The following MTMR9 variants were observed in gnomAD, a reference collection of about 807,000 sequenced individuals.
MTMR9 encodes the protein myotubularin-related protein 9.
MTMR9 carries 39 observed loss-of-function variants against 69.5 expected under a neutral mutation model. That is an observed-to-expected ratio of 0.56 (90% CI 0.43 to 0.73). MTMR9 has a LOEUF of 0.73. Among genes scored for constraint, MTMR9 ranks in the 30% least tolerant of loss-of-function variants. The pLI is 0.00. For synonymous variants in MTMR9, 354 were observed against 240.8 expected, an observed-to-expected ratio of 1.47 and a Z score of -4.35; for missense variants, 900 against 671.2, an observed-to-expected ratio of 1.34 and a Z score of -3.77.
chr8:11,285,111 G>T, intron 1 of MTMR9, 41 bp downstream of exon 1: 5 of 1,489,134 alleles, frequency 3.4e-6, no homozygotes, highest in Non-Finnish European at 2.7e-6. Flanking sequence ...GGAGCCGGGG[G>T]TCCCTTGTGG....
At chr8:11,299,760 A>G (rs1022427504) in intron 2 of MTMR9, among the ~76,000 whole-genome samples, 4 of 152,154 alleles carry the variant, frequency 2.6e-5, no homozygotes, top group South Asian at 4.1e-4. Flanking sequence ...TAGAATTGGT[A>G]TGCACATTTT....
intron 8 of MTMR9, chr8:11,317,154 T>A (rs748037647): frequency 3.9e-6 from 1 of 254,740 alleles, no homozygotes; most frequent in African/African-American, 2.2e-5. Context: ...TTTCTTAACA[T>A]AGGATCATAG....
the MTMR9 span, among the ~76,000 whole-genome samples, chr8:11,337,137 A>G: frequency 3.9e-5 from 6 of 152,326 alleles, no homozygotes; most frequent in Non-Finnish European, 4.4e-5. Flanking sequence ...AAATATCACT[A>G]GATCGCTGAG....
chr8:11,307,848 T>C (rs932693171), intron 5 of MTMR9, among the ~76,000 whole-genome samples: 1 of 152,224 alleles, frequency 6.6e-6, no homozygotes, highest in African/African-American at 2.4e-5. Context: ...TTTATATGTC[T>C]TCTTTTGAGA....
Position 11,319,826 on chromosome 8 carries a change from C to G in MTMR9, c.1474C>G (p.Pro492Ala). Residue 492 changes from proline to alanine, a missense_variant, in exon 9 of 10, where the codon CCA (proline) becomes GCA (alanine). Physicochemically the swap from Pro to Ala is conservative, Grantham distance 27. Transcript: ENST00000221086. Reference protein sequence around the residue: ...IWPSVAPQSLPLWEGIFLRWN... With the variant: ...IWPSVAPQSLALWEGIFLRWN... ...GCCTTCAGTTGCTCCGCAGAGTCTTCCACTGTGGGAAGGTAAACCACGCAT... is the reference window on the plus strand; with the variant it reads ...GCCTTCAGTTGCTCCGCAGAGTCTTGCACTGTGGGAAGGTAAACCACGCAT... 1.2e-6 allele frequency: 2 copies of G among 1,614,074 alleles called. No individual in the cohort carries two copies. The highest frequency in any genetic ancestry group is 1.7e-6 in the Non-Finnish European group (2 of 1,179,988).
the MTMR9 span, among the ~76,000 whole-genome samples, chr8:11,336,902 T>G: frequency 6.6e-6 from 1 of 152,166 alleles, no homozygotes; most frequent in Non-Finnish European, 1.5e-5. Flanking sequence ...ATCCAACTGT[T>G]TAGCTTGGAA....
downstream of MTMR9, chr8:11,332,243 T>G: frequency 6.8e-5 from 83 of 1,218,278 alleles, no homozygotes; most frequent in Middle Eastern, 2.9e-4. Context: ...AGAGTGAAAG[T>G]CTAACTTCCA....
At chr8:11,311,253 G>C (rs2117427238) in intron 6 of MTMR9, among the ~76,000 whole-genome samples, 1 of 152,192 alleles carries the variant, frequency 6.6e-6, no homozygotes, top group South Asian at 2.1e-4. Context: ...TTTAAATTAA[G>C]AACCCCCAAA....
intron 2 of MTMR9, among the ~76,000 whole-genome samples, chr8:11,296,112 C>T (rs201142588): frequency 1.4e-5 from 2 of 147,270 alleles, no homozygotes; most frequent in African/African-American, 4.9e-5. Flanking sequence ...TATATATATA[C>T]ACATTATTAC....
At chr8:11,287,224 T>C (rs1332000126) in intron 1 of MTMR9, among the ~76,000 whole-genome samples, 1 of 152,252 alleles carries the variant, frequency 6.6e-6, no homozygotes, top group Non-Finnish European at 1.5e-5. Flanking sequence ...GATTGACCGC[T>C]GAATGGTCAG....
chr8:11,332,544 G>A (rs919933579), downstream of MTMR9, among the ~76,000 whole-genome samples: 9 of 151,410 alleles, frequency 5.9e-5, no homozygotes, highest in African/African-American at 1.2e-4. Context: ...TGAAACGTGC[G>A]ACAACTGAGA....
intron 9 of MTMR9, chr8:11,320,760 C>G (rs1160952897): frequency 1.3e-5 from 2 of 152,020 alleles, no homozygotes; most frequent in African/African-American, 2.4e-5. Flanking sequence ...TAAAAATAAC[C>G]AAAATCTATC....
At chr8:11,314,650 A>T (rs1342230085) in intron 6 of MTMR9, among the ~76,000 whole-genome samples, 1 of 152,220 alleles carries the variant, frequency 6.6e-6, no homozygotes, top group Non-Finnish European at 1.5e-5. Flanking sequence ...AGGTTCTGTG[A>T]AATTTGTTAT....
At chr8:11,314,654 T>C (rs1026398007) in intron 6 of MTMR9, among the ~76,000 whole-genome samples, 6 of 152,222 alleles carry the variant, frequency 3.9e-5, no homozygotes, top group African/African-American at 1.2e-4. Context: ...TCTGTGAAAT[T>C]TGTTATAACT....
intron 7 of MTMR9, 126 bp downstream of exon 7, chr8:11,315,190 C>T: frequency 8.6e-7 from 1 of 1,157,960 alleles, no homozygotes; most frequent in South Asian, 1.4e-5. Context: ...GTTTAATTTA[C>T]TGCAGGACAG....
chr8:11,301,960 A>T (rs767921860), intron 3 of MTMR9, among the ~76,000 whole-genome samples: 12 of 152,154 alleles, frequency 7.9e-5, no homozygotes, highest in African/African-American at 2.9e-4. Flanking sequence ...GGAGTTTAGG[A>T]TAAAAGATGA....
rs1029317924 is a variant in MTMR9, at chr8:11,328,103, G to A, written c.*5315G>A. The stretch of plus-strand genomic sequence containing the variant: ...TGGCTAGTGTTAAATTTCTATAGAC[G>A]ATGGTAATAAAATCTGAATATATTT... On this transcript the variant is annotated 3_prime_UTR_variant, in exon 10 of 10. Coordinates refer to ENST00000221086, the MANE Select transcript of MTMR9 (RefSeq NM_015458.4). 7 of 152,150 alleles carry A rather than the reference G, an allele frequency of 4.6e-5. No homozygotes were observed. Among genetic ancestry groups the A allele is most frequent in the African/African-American group, 1.4e-4 (6 of 41,436 alleles). 9.4% of individuals were successfully genotyped at this position (152,150 alleles called of 1,614,324 possible).
the MTMR9 span, among the ~76,000 whole-genome samples, chr8:11,339,372 G>A: frequency 3.3e-5 from 5 of 152,230 alleles, no homozygotes; most frequent in Non-Finnish European, 5.9e-5. Context: ...TATGGCCCCC[G>A]GCCTTTAATA....
At chr8:11,301,033 T>G (rs1033916805) in intron 3 of MTMR9, among the ~76,000 whole-genome samples, 2 of 152,180 alleles carry the variant, frequency 1.3e-5, no homozygotes, top group Non-Finnish European at 1.5e-5. Context: ...TGGTGCTATG[T>G]TCTAATAAAC....
Sources: allele counts gnomAD v4.1 joint callset (sites outside exome capture counted in the v4.1 genomes callset), GRCh38; gene constraint gnomAD v4.1.1; transcripts MANE v1.5; gene names NCBI Gene and HGNC (gene_info 2026-07-23, HGNC 2026-07-21).